The following CPAMD8 variants were observed in gnomAD, a reference collection of about 807,000 sequenced individuals.
CPAMD8 encodes the protein C3 and PZP-like alpha-2-macroglobulin domain-containing protein 8.
Under a neutral mutation model 224.7 loss-of-function variants are expected in CPAMD8, and 146 were observed. The observed-to-expected ratio is 0.65, with a 90% CI of 0.57 to 0.75. CPAMD8 has a LOEUF of 0.75. Among genes scored for constraint, CPAMD8 ranks in the 30% least tolerant of loss-of-function variants. CPAMD8 has a pLI of 0.00. For missense variants in CPAMD8, 2,301 were observed against 2,537.5 expected (o/e 0.91, Z 2.00); for synonymous variants, 966 against 1,044.6 (o/e 0.92, Z 1.45).
At position 16,905,378 on chromosome 19, in the gene CPAMD8, G is replaced by C. The variant is rs201132489; in HGVS notation, c.4028-826C>G. Reference sequence around the variant, plus strand: ...GCGGATCACCTGAGGTCAGGAGTTCGAGACCAGCCTGACTAACATGGAGAA... The same window carrying C: ...GCGGATCACCTGAGGTCAGGAGTTCCAGACCAGCCTGACTAACATGGAGAA... On this transcript the variant is annotated intron_variant, in intron 30 of 41. Coordinates refer to ENST00000443236, the MANE Select transcript of CPAMD8 (RefSeq NM_015692.5). 1.8e-3 allele frequency among the ~76,000 whole-genome samples: 268 copies of C among 151,110 alleles called. 4 individuals carry two copies. The East Asian group carries it at 0.042, about 24-fold the overall frequency.
chr19:17,009,562 C>T (rs1306774228), intron 5 of CPAMD8: 3 of 440,452 alleles, frequency 6.8e-6, no homozygotes, highest in African/African-American at 4.0e-5. Flanking sequence ...ATCACGAGGT[C>T]AGGAGATTGA....
At chr19:16,985,323 T>C (rs150294766) in intron 13 of CPAMD8, among the ~76,000 whole-genome samples, 5 of 119,100 alleles carry the variant, frequency 4.2e-5, no homozygotes, top group Non-Finnish European at 8.4e-5. Context: ...GGATGAAGGG[T>C]GGATGAATGG....
intron 15 of CPAMD8, among the ~76,000 whole-genome samples, chr19:16,977,078 G>T (rs577302645): frequency 1.8e-4 from 28 of 152,214 alleles, no homozygotes; most frequent in Admixed American, 1.8e-3. Context: ...GTTGCAGGGA[G>T]GGGGAGAGGA....
intron 39 of CPAMD8, among the ~76,000 whole-genome samples, chr19:16,897,143 G>A (rs1188502742): frequency 1.2e-4 from 9 of 73,782 alleles, no homozygotes; most frequent in African/African-American, 4.4e-4. Context: ...GCCCCTCAGC[G>A]CTGACCGCAC....
chr19:17,006,066 G>A (rs2056483905), intron 7 of CPAMD8, among the ~76,000 whole-genome samples: 2 of 152,030 alleles, frequency 1.3e-5, no homozygotes, highest in African/African-American at 2.4e-5. Flanking sequence ...GGGTTCAAGA[G>A]ATTCTTGTGC....
rs575230371 is a variant in CPAMD8 at position 16,936,095 on chromosome 19, T to C, written c.2845+2300A>G. Reference sequence around the variant, plus strand: ...GGCACAAGCCACCATGCCCAGCTAATATTTTGTATTTTTGTAGAGACAGGG... The same window carrying C: ...GGCACAAGCCACCATGCCCAGCTAACATTTTGTATTTTTGTAGAGACAGGG... On this transcript the variant is annotated intron_variant, in intron 23 of 41. Coordinates refer to ENST00000443236, the MANE Select transcript of CPAMD8 (RefSeq NM_015692.5). Among the ~76,000 whole-genome samples, 3 of 151,902 alleles carry C rather than the reference T, an allele frequency of 2.0e-5. No individual in the cohort carries two copies. The East Asian group carries it at 5.9e-4, about 30-fold the overall frequency.
chr19:16,965,076 C>T (rs1359970966), intron 18 of CPAMD8, among the ~76,000 whole-genome samples: 9 of 152,090 alleles, frequency 5.9e-5, no homozygotes, highest in African/African-American at 1.9e-4. Flanking sequence ...CTGGCTAACA[C>T]GGTGATACCC....
chr19:16,903,681 C>T, intron 33 of CPAMD8, 21 bp downstream of exon 33: 1 of 1,614,074 alleles, frequency 6.2e-7, no homozygotes, highest in South Asian at 1.1e-5. Flanking sequence ...ACCCCCAAAC[C>T]CTCATCCCAG....
At chr19:16,918,608 A>G (rs2053050784) in intron 27 of CPAMD8, among the ~76,000 whole-genome samples, 1 of 151,786 alleles carries the variant, frequency 6.6e-6, no homozygotes, top group African/African-American at 2.4e-5. Flanking sequence ...CACCACGCCC[A>G]GCTTATTTTT....
At position 16,987,179 on chromosome 19, in the gene CPAMD8, AATATATATAT is replaced by A. The variant is rs775029154; in HGVS notation, c.1395+2454_1395+2463del. On this transcript the variant is annotated intron_variant, in intron 13 of 41. Coordinates refer to ENST00000443236, the MANE Select transcript of CPAMD8 (RefSeq NM_015692.5). ...AAAAAAAAAAAAAAAAAAAAAAAAA[AATATATATAT>A]ATATATATATATATATATATGTATA... Among the ~76,000 whole-genome samples, 353 of 53,888 alleles carry A rather than the reference AATATATATAT, an allele frequency of 6.6e-3. 6 individuals carry two copies. Among genetic ancestry groups the A allele is most frequent in the Middle Eastern group, 0.024 (1 of 42 alleles). The allele number at this position is 53,888 out of a possible 152,430, so 35.4% of individuals were successfully genotyped here.
At chr19:16,988,537 G>A (rs1405094551) in intron 13 of CPAMD8, among the ~76,000 whole-genome samples, 3 of 152,130 alleles carry the variant, frequency 2.0e-5, no homozygotes, top group African/African-American at 7.2e-5. Flanking sequence ...TTGAACCCTG[G>A]AGACGGAAGT....
intron 1 of CPAMD8, among the ~76,000 whole-genome samples, chr19:17,024,047 A>G (rs2057020868): frequency 1.3e-5 from 2 of 152,252 alleles, no homozygotes; most frequent in South Asian, 4.1e-4. Flanking sequence ...AAGTCATTGC[A>G]TGCTTAGATT....
intron 30 of CPAMD8, among the ~76,000 whole-genome samples, chr19:16,906,378 CTTTCTTTCTTTCTTTCTTTCTTTCTTTCT>C (rs2052499231): frequency 2.1e-4 from 15 of 71,582 alleles, no homozygotes; most frequent in East Asian, 3.7e-4. Flanking sequence ...TTCTTTCTTT[CTTTCTTTCTTTCTTTCTTTCTTTCTTTCT>C]TTCCTTCCTT....
At chr19:16,921,464 C>T (rs114548093) in intron 27 of CPAMD8, among the ~76,000 whole-genome samples, 2,202 of 152,164 alleles carry the variant, frequency 0.014, 62 homozygotes, top group African/African-American at 0.051. Flanking sequence ...GGTCTCCTCC[C>T]TGCAGTTACC....
In CPAMD8 at chr19:16,914,809, T is replaced by G; in HGVS notation, c.3634A>C (p.Thr1212Pro). The G allele has an allele frequency of 6.2e-7, 1 of 1,607,590 alleles. No individual in the cohort carries two copies. The highest frequency in any genetic ancestry group is 8.5e-7 in the Non-Finnish European group (1 of 1,176,564). The stretch of plus-strand genomic sequence containing the variant: ...GCGAAGGACTTCAGGACAAAGGCTG[T>G]GAGCCTGAAAGAGGACAGGGTGTCA... ...ERDASGSMWL[T>P]AFVLKSFAQA... is the part of the protein sequence containing the mutation. Residue 1212 changes from threonine (T) to proline (P), a missense_variant, in exon 28 of 42, where the codon ACA (threonine) becomes CCA (proline). Physicochemically the swap from Thr to Pro is conservative, Grantham distance 38. Around this residue, in one of 4 missense-constraint regions of CPAMD8, gnomAD observed 1,709 missense variants for 1,753.2 expected, o/e 0.97. Transcript: ENST00000443236.
rs553062121 is a variant in CPAMD8, at chr19:16,977,454, G to A, written c.1672C>T (p.Arg558Cys). ...AVTPSMVPLG[R>C]LLVFYVRENG... is the part of the protein sequence containing the mutation. ...TCCCTGACGTAGAAGACCAGCAGGC[G>A]ACCAAGGGGGACCATGCTGGGGGTC... The change falls in exon 15 of 42, where the codon CGC becomes TGC. Residue 558 changes from arginine to cysteine, a missense_variant. Physicochemically the swap from Arg to Cys is radical, Grantham distance 180. Around this residue, in one of 4 missense-constraint regions of CPAMD8, gnomAD observed 301 missense variants for 406.6 expected, o/e 0.74. Transcript: ENST00000443236. 13 of 1,610,028 alleles carry A rather than the reference G, an allele frequency of 8.1e-6. No homozygotes were observed. The highest frequency in any genetic ancestry group is 4.5e-5 in the East Asian group (2 of 44,812).
chr19:16,894,523 G>A lies in CPAMD8; in HGVS notation c.5427-1184C>T, dbSNP rs145165267. 18 of 454,374 alleles carry A rather than the reference G, an allele frequency of 4.0e-5. No individual in the cohort carries two copies. In the Middle Eastern group the frequency reaches 1.3e-3, roughly 32 times the overall value. The allele number at this position is 454,374 out of a possible 1,614,324, so 28.1% of individuals were successfully genotyped here. A position where few individuals can be genotyped will look rare whatever the true frequency, so the allele number is the denominator to read the frequency against. ...ACCCCTTTCCTGAACCCAACTCCACGGGGCTCAGGCCAGCTGCCACCTCCT... is the reference window on the plus strand; with the variant it reads ...ACCCCTTTCCTGAACCCAACTCCACAGGGCTCAGGCCAGCTGCCACCTCCT... On this transcript the variant is annotated intron_variant, in intron 41 of 41. Transcript: ENST00000443236.
At chr19:16,972,890 C>T (rs2122661671) in intron 17 of CPAMD8, among the ~76,000 whole-genome samples, 1 of 152,226 alleles carries the variant, frequency 6.6e-6, no homozygotes, top group East Asian at 1.9e-4. Context: ...TTTATTTTGC[C>T]AGGTACAGTG....
At chr19:16,920,637 T>C (rs3859575) in intron 27 of CPAMD8, among the ~76,000 whole-genome samples, 76,012 of 151,712 alleles carry the variant, frequency 0.5, 20,654 homozygotes, top group Non-Finnish European at 0.61. Flanking sequence ...AGGCGGATCA[T>C]CTGAGGTCAG....
Sources: allele counts gnomAD v4.1 joint callset (sites outside exome capture counted in the v4.1 genomes callset), GRCh38; gene constraint gnomAD v4.1.1; regional missense constraint gnomAD v4.1.1; transcripts MANE v1.5; gene names NCBI Gene and HGNC (gene_info 2026-07-23, HGNC 2026-07-21).